The following TTC29 variants were observed in gnomAD, a reference collection of about 807,000 sequenced individuals.
TTC29 encodes the protein tetratricopeptide repeat protein 29.
TTC29 carries 49 observed loss-of-function variants against 58.1 expected under a neutral mutation model. The ratio of observed to expected loss-of-function variants is 0.84; its 90% CI spans 0.67 to 1.07. The LOEUF is 1.07. Among genes scored for constraint, TTC29 ranks in the 50% least tolerant of loss-of-function variants. TTC29 has a pLI of 0.00. For synonymous variants in TTC29, 209 were observed against 196.8 expected, an observed-to-expected ratio of 1.06 and a Z score of -0.52; for missense variants, 582 against 555.6, an observed-to-expected ratio of 1.05 and a Z score of -0.48.
At chr4:146,803,373 A>T in intron 11 of TTC29, 84 bp downstream of exon 11, 1 of 1,006,116 alleles carries the variant, frequency 9.9e-7, no homozygotes. Context: ...AATCACCGAC[A>T]TTTGAGTGAA....
intron 11 of TTC29, among the ~76,000 whole-genome samples, chr4:146,717,197 A>G (rs1004790800): frequency 6.6e-6 from 1 of 152,182 alleles, no homozygotes; most frequent in Non-Finnish European, 1.5e-5. Flanking sequence ...TTAGATAATA[A>G]GTAAATATAA....
Position 146,706,675 on chromosome 4 carries a change from T to C in TTC29, c.*483A>G, listed in dbSNP as rs1741986451. The C allele has an allele frequency of 6.6e-6, 1 of 152,244 alleles. No homozygotes were observed. The highest frequency in any genetic ancestry group is 2.4e-5 in the African/African-American group (1 of 41,462). 9.4% of individuals were successfully genotyped at this position (152,244 alleles called of 1,614,324 possible). On this transcript the variant is annotated 3_prime_UTR_variant, in exon 13 of 13. Coordinates refer to ENST00000325106, the MANE Select transcript of TTC29 (RefSeq NM_031956.4). ...GCTATCAGCTAAAAGTATCATAAAATATACTGTTACACAGGTAAAGAAAAC... is the reference window on the plus strand; with the variant it reads ...GCTATCAGCTAAAAGTATCATAAAACATACTGTTACACAGGTAAAGAAAAC...
In TTC29 at chr4:146,731,640, GTA is replaced by G. The variant is rs528242852; in HGVS notation, c.1331-24091_1331-24090del. ...TCTTTCTGGCATTTCTCAGGAAAAC[GTA>G]TGTTTTTCAAAGTCTGGGTCCCAGA... is the stretch of plus-strand genomic sequence containing the variant. On this transcript the variant is annotated intron_variant, in intron 11 of 12. Transcript: ENST00000325106. Among the ~76,000 whole-genome samples the G allele has an allele frequency of 2.5e-3, 384 of 152,272 alleles. 1 individual carries two copies. The highest frequency in any genetic ancestry group is 4.1e-3 in the Non-Finnish European group (277 of 68,008).
intron 4 of TTC29, among the ~76,000 whole-genome samples, chr4:146,911,839 C>T (rs1328362334): frequency 6.6e-6 from 1 of 152,150 alleles, no homozygotes; most frequent in Non-Finnish European, 1.5e-5. Flanking sequence ...AACCCTGTCA[C>T]AGCCCCACTC....
At chr4:146,879,413 TAA>T (rs1361296261) in intron 6 of TTC29, among the ~76,000 whole-genome samples, 2 of 152,104 alleles carry the variant, frequency 1.3e-5, no homozygotes, top group Admixed American at 1.3e-4. Context: ...GTTCTGATAT[TAA>T]GACTAGATAT....
intron 11 of TTC29, among the ~76,000 whole-genome samples, chr4:146,746,288 G>C (rs1418176311): frequency 6.6e-6 from 1 of 152,228 alleles, no homozygotes; most frequent in Non-Finnish European, 1.5e-5. Context: ...GAACTGTCTA[G>C]GGCTACAACA....
intron 11 of TTC29, among the ~76,000 whole-genome samples, chr4:146,754,359 T>C (rs893079302): frequency 1.3e-5 from 2 of 151,998 alleles, no homozygotes; most frequent in African/African-American, 4.8e-5. Context: ...ACCAGATAAA[T>C]TCTCGCAAAC....
At chr4:146,863,489 AAGCAATAG>A in intron 8 of TTC29, among the ~76,000 whole-genome samples, 1 of 152,362 alleles carries the variant, frequency 6.6e-6, no homozygotes, top group African/African-American at 2.4e-5. Context: ...AGAGAAACAG[AAGCAATAG>A]GATAGATGCA....
chr4:146,878,513 G>T (rs1458513267), intron 6 of TTC29, among the ~76,000 whole-genome samples: 1 of 152,110 alleles, frequency 6.6e-6, no homozygotes, highest in Non-Finnish European at 1.5e-5. Flanking sequence ...AAGTTTACAT[G>T]ACTCAAATAT....
chr4:146,765,137 T>A (rs1430371030), intron 11 of TTC29, among the ~76,000 whole-genome samples: 2 of 152,122 alleles, frequency 1.3e-5, no homozygotes, highest in African/African-American at 2.4e-5. Context: ...GGGCTTATTT[T>A]AAAATTGTTG....
At chr4:146,835,129 A>T (rs1728421002) in intron 8 of TTC29, among the ~76,000 whole-genome samples, 1 of 152,158 alleles carries the variant, frequency 6.6e-6, no homozygotes, top group Non-Finnish European at 1.5e-5. Context: ...TCTTTTAGCA[A>T]TTTTGAAATA....
At chr4:146,913,214 G>A (rs1012014640) in intron 4 of TTC29, among the ~76,000 whole-genome samples, 1 of 151,934 alleles carries the variant, frequency 6.6e-6, no homozygotes, top group Non-Finnish European at 1.5e-5. Context: ...ACATTTGGGG[G>A]CCAAAATGAA....
At position 146,803,565 on chromosome 4, in the gene TTC29, T is replaced by C. The variant is rs748810679; in HGVS notation, c.1222A>G (p.Met408Val). Residue 408 changes from methionine to valine, a missense_variant, in exon 11 of 13, where the codon ATG (methionine) becomes GTG (valine). By Grantham distance (21) the Met-to-Val change is conservative (BLOSUM62 1). Coordinates refer to ENST00000325106, the MANE Select transcript of TTC29 (RefSeq NM_031956.4). ...ATATAGTTGTTCACTGTAAGCATCA[T>C]CTGATGAGCTTTTGCTATTCCATAG... ...VHYGIAKAHQ[M>V]MLTVNNYIES... 1.4e-5 allele frequency: 23 copies of C among 1,606,526 alleles called. No individual in the cohort carries two copies. In the Admixed American group the frequency reaches 1.5e-4, roughly 11 times the overall value.
chr4:146,788,569 C>T (rs1384315045), intron 11 of TTC29, among the ~76,000 whole-genome samples: 2 of 151,596 alleles, frequency 1.3e-5, no homozygotes, highest in African/African-American at 4.9e-5. Context: ...ACTTCCCACA[C>T]CATTTAATAA....
intron 11 of TTC29, among the ~76,000 whole-genome samples, chr4:146,711,955 A>C (rs2149991909): frequency 6.6e-6 from 1 of 152,244 alleles, no homozygotes; most frequent in East Asian, 1.9e-4. Flanking sequence ...GGAAATGTGT[A>C]TATGAACTGA....
intron 6 of TTC29, among the ~76,000 whole-genome samples, chr4:146,898,471 T>C (rs1732922800): frequency 6.6e-6 from 1 of 152,244 alleles, no homozygotes; most frequent in South Asian, 2.1e-4. Context: ...GCTGTTTCTT[T>C]CTTCAGAAGT....
At chr4:146,767,606 C>T (rs1316287514) in intron 11 of TTC29, among the ~76,000 whole-genome samples, 1 of 152,060 alleles carries the variant, frequency 6.6e-6, no homozygotes, top group African/African-American at 2.4e-5. Context: ...ATTCACATAA[C>T]ATACCTGAAG....
At chr4:146,901,680 G>A (rs1466128237) in intron 6 of TTC29, among the ~76,000 whole-genome samples, 1 of 152,028 alleles carries the variant, frequency 6.6e-6, no homozygotes, top group Non-Finnish European at 1.5e-5. Flanking sequence ...CCCTTTCTTC[G>A]GATTTTCACA....
At chr4:146,756,639 T>C (rs1746469667) in intron 11 of TTC29, among the ~76,000 whole-genome samples, 1 of 152,062 alleles carries the variant, frequency 6.6e-6, no homozygotes, top group Non-Finnish European at 1.5e-5. Flanking sequence ...CTTTTAGAAC[T>C]CTCTTCTTCC....
Sources: allele counts gnomAD v4.1 joint callset (sites outside exome capture counted in the v4.1 genomes callset), GRCh38; gene constraint gnomAD v4.1.1; transcripts MANE v1.5; gene names NCBI Gene and HGNC (gene_info 2026-07-23, HGNC 2026-07-21).